B3GAT1: variants seen among roughly 807,000 people sequenced by gnomAD.
The protein encoded by B3GAT1 is galactosylgalactosylxylosylprotein 3-beta-glucuronosyltransferase 1.
Under a neutral mutation model 28.4 loss-of-function variants are expected in B3GAT1, and 11 were observed. That is an observed-to-expected ratio of 0.39 (90% CI 0.24 to 0.64). The LOEUF (loss-of-function observed/expected upper bound fraction) is 0.64. B3GAT1 is among the 30% of genes least tolerant of loss of function. The probability of loss-of-function intolerance (pLI) is 0.50; values close to 1 mark genes in which losing one functional copy is unlikely to be tolerated. For missense variants in B3GAT1, 375 were observed against 491.0 expected (o/e 0.76, Z 2.23); for synonymous variants, 255 against 223.1 (o/e 1.14, Z -1.27).
chr11:134,398,770 C>A (rs1419403621), intron 1 of B3GAT1, among the ~76,000 whole-genome samples: 1 of 152,182 alleles, frequency 6.6e-6, no homozygotes, highest in Non-Finnish European at 1.5e-5. Context: ...GGCCCCCGGC[C>A]TCTGGGGACA....
In B3GAT1 at chr11:134,408,804, G is replaced by A. The variant is rs1458275663; in HGVS notation, c.-282+3003C>T. Among the ~76,000 whole-genome samples, 17 of 115,202 alleles carry A rather than the reference G, an allele frequency of 1.5e-4. 1 individual carries two copies. Among genetic ancestry groups the A allele is most frequent in the Non-Finnish European group, 2.8e-4 (16 of 56,482 alleles). The allele number at this position is 115,202 out of a possible 152,430, so 75.6% of individuals were successfully genotyped here. A position where few individuals can be genotyped will look rare whatever the true frequency, so the allele number is the denominator to read the frequency against. On this transcript the variant is annotated intron_variant, in intron 1 of 5. Transcript: ENST00000312527. Reference sequence around the variant, plus strand: ...GGAGGGAGGTGGGACAGCCTGCACCGACTCCAGTGGGGTGAGGAGGGAGGT... The same window carrying A: ...GGAGGGAGGTGGGACAGCCTGCACCAACTCCAGTGGGGTGAGGAGGGAGGT...
At chr11:134,394,836 C>T (rs1944473582) in intron 1 of B3GAT1, among the ~76,000 whole-genome samples, 1 of 152,216 alleles carries the variant, frequency 6.6e-6, no homozygotes, top group South Asian at 2.1e-4. Flanking sequence ...TATTTTCACG[C>T]TTTGGTTTTC....
Position 134,387,542 on chromosome 11 carries a change from G to C in B3GAT1, c.112+6C>G, listed in dbSNP as rs747906911. ...CTGGGCAGGCAGGGCATGCGTGCGTGCTCACCCTTATGTACCGCGAGCAGG... is the reference window on the plus strand; with the variant it reads ...CTGGGCAGGCAGGGCATGCGTGCGTCCTCACCCTTATGTACCGCGAGCAGG... On this transcript the variant is annotated splice_donor_region_variant and intron_variant, in intron 2 of 5. Transcript: ENST00000312527. 3 of 1,613,770 alleles carry C rather than the reference G, an allele frequency of 1.9e-6. No homozygotes were observed. The highest frequency in any genetic ancestry group is 8.5e-7 in the Non-Finnish European group (1 of 1,179,984).
At chr11:134,406,211 C>A (rs763441298) in intron 1 of B3GAT1, among the ~76,000 whole-genome samples, 2 of 152,236 alleles carry the variant, frequency 1.3e-5, no homozygotes, top group African/African-American at 4.8e-5. Flanking sequence ...TGAGCCCAGG[C>A]AGGGGCCTCT....
intron 2 of B3GAT1, chr11:134,386,830 T>C (rs1177066137): frequency 1.3e-5 from 2 of 152,294 alleles, no homozygotes; most frequent in Non-Finnish European, 2.9e-5. Flanking sequence ...TTTTTCTGTA[T>C]TTTAAGATGC....
At chr11:134,383,141 G>T in intron 3 of B3GAT1, 135 bp from the exon 4 acceptor site, 1 of 976,662 alleles carries the variant, frequency 1.0e-6, no homozygotes, top group Non-Finnish European at 1.5e-6. Context: ...GGGGTGTCCA[G>T]TACAGCCCTG....
chr11:134,383,419 A>T (rs994555717), intron 3 of B3GAT1, among the ~76,000 whole-genome samples: 2 of 152,046 alleles, frequency 1.3e-5, no homozygotes, highest in African/African-American at 4.8e-5. Flanking sequence ...TGACCTACTC[A>T]CAAACCCATT....
rs537747686 is a variant in B3GAT1, at chr11:134,393,555, C to T, written c.-281-5615G>A. 4.6e-5 allele frequency among the ~76,000 whole-genome samples: 7 copies of T among 152,350 alleles called. No individual in the cohort carries two copies. Among genetic ancestry groups the T allele is most frequent in the African/African-American group, 1.7e-4 (7 of 41,582 alleles). ...TATGACTTTTCCCTGCCAGCCTTTA[C>T]CTAACTTGGAGAACTTTTTTCTGGA... On this transcript the variant is annotated intron_variant, in intron 1 of 5. Coordinates refer to ENST00000312527, the MANE Select transcript of B3GAT1 (RefSeq NM_054025.3). The surrounding 1 kb of genome is among the most constrained non-coding windows in gnomAD (Gnocchi z 4.0).
intron 1 of B3GAT1, among the ~76,000 whole-genome samples, chr11:134,408,882 C>T (rs1209251110): frequency 1.5e-5 from 2 of 133,178 alleles, no homozygotes; most frequent in African/African-American, 6.4e-5. Flanking sequence ...GGACAGCCTG[C>T]ACCGATTCCA....
At chr11:134,383,626 C>G in intron 3 of B3GAT1, 54 bp downstream of exon 3, 2 of 1,465,180 alleles carry the variant, frequency 1.4e-6, no homozygotes, top group Non-Finnish European at 1.8e-6. Flanking sequence ...TCGGGAAGCC[C>G]CTCCACTCCC....
At chr11:134,387,130 G>GAGAAGA in intron 2 of B3GAT1, 1 of 185,500 alleles carries the variant, frequency 5.4e-6, no homozygotes, top group South Asian at 1.3e-4. Flanking sequence ...GCTGCCGACA[G>GAGAAGA]TGCTTCGCCC....
At chr11:134,409,631 G>A (rs1460859883) in intron 1 of B3GAT1, 2 of 152,286 alleles carry the variant, frequency 1.3e-5, no homozygotes, top group African/African-American at 4.8e-5. Flanking sequence ...TCTAGTGAGG[G>A]GCCTCCTGCA....
At chr11:134,395,018 A>C (rs1245764711) in intron 1 of B3GAT1, among the ~76,000 whole-genome samples, 1 of 152,262 alleles carries the variant, frequency 6.6e-6, no homozygotes, top group Non-Finnish European at 1.5e-5. Context: ...GGCTAACTGC[A>C]GGAATCTCAA....
At chr11:134,399,011 C>T (rs1187813325) in intron 1 of B3GAT1, among the ~76,000 whole-genome samples, 1 of 152,202 alleles carries the variant, frequency 6.6e-6, no homozygotes, top group Admixed American at 6.5e-5. Context: ...GAGCCCACTG[C>T]TACCTGCTTG....
rs1057002994 is a variant in B3GAT1 at position 134,411,015 on chromosome 11, A to G, written c.-282+792T>C. Among the ~76,000 whole-genome samples, 1 of 152,224 alleles carries G rather than the reference A, an allele frequency of 6.6e-6. No individual in the cohort carries two copies. Among genetic ancestry groups the G allele is most frequent in the African/African-American group, 2.4e-5 (1 of 41,460 alleles). The stretch of plus-strand genomic sequence containing the variant: ...GGCCTGGCTGGGGGAGGAAGGGGAC[A>G]GGGAAGTTGGCCAAGGCTCCCATGT... On this transcript the variant is annotated intron_variant, in intron 1 of 5. Transcript: ENST00000312527. This position sits in a 1 kb window ranked among gnomAD's most constrained non-coding sequence, Gnocchi z 6.0.
intron 1 of B3GAT1, among the ~76,000 whole-genome samples, chr11:134,392,585 G>T (rs1462884688): frequency 6.6e-6 from 1 of 152,184 alleles, no homozygotes; most frequent in African/African-American, 2.4e-5. Context: ...CTGTCCAGCT[G>T]GTCTCAACCT....
chr11:134,401,249 A>T (rs1334238236), intron 1 of B3GAT1, among the ~76,000 whole-genome samples: 2 of 152,070 alleles, frequency 1.3e-5, no homozygotes, highest in African/African-American at 4.8e-5. Context: ...ACAAAGGAAT[A>T]TAAGTCGTTT....
At chr11:134,383,053 G>A in intron 3 of B3GAT1, 47 bp from the exon 4 acceptor site, 1 of 1,489,668 alleles carries the variant, frequency 6.7e-7, no homozygotes, top group Non-Finnish European at 8.9e-7. Flanking sequence ...TGCAGATGAG[G>A]ACGGCCGCGC....
Position 134,403,983 on chromosome 11 carries a change from TTATATATATATATATATATATATATA to T in B3GAT1, c.-282+7798_-282+7823del, listed in dbSNP as rs55794505. On this transcript the variant is annotated intron_variant, in intron 1 of 5. Coordinates refer to ENST00000312527, the MANE Select transcript of B3GAT1 (RefSeq NM_054025.3). ...TTTAACGGGTACAGAGTTTCTTTCT[TTATATATATATATATATATATATATA>T]TATATATATATATATATATATTTAT... Among the ~76,000 whole-genome samples, 61 of 40,686 alleles carry T rather than the reference TTATATATATATATATATATATATATA, an allele frequency of 1.5e-3. 3 individuals are homozygous for T. Among genetic ancestry groups the T allele is most frequent in the South Asian group, 5.3e-3 (5 of 942 alleles). 26.7% of individuals were successfully genotyped at this position (40,686 alleles called of 152,430 possible).
Sources: allele counts gnomAD v4.1 joint callset (sites outside exome capture counted in the v4.1 genomes callset), GRCh38; gene constraint gnomAD v4.1.1; non-coding constraint Gnocchi (gnomAD v3.1); transcripts MANE v1.5; gene names NCBI Gene and HGNC (gene_info 2026-07-23, HGNC 2026-07-21).